SLC30A6: variants seen among roughly 807,000 people sequenced by gnomAD.
SLC30A6 encodes solute carrier family 30 member 6.
Under a neutral mutation model 63.0 loss-of-function variants are expected in SLC30A6, and 55 were observed. The observed-to-expected ratio is 0.87, with a 90% CI of 0.70 to 1.09. The LOEUF is 1.09. Among genes scored for constraint, SLC30A6 ranks in the 50% least tolerant of loss-of-function variants. The pLI is 0.00. For synonymous variants in SLC30A6, 224 were observed against 186.1 expected (o/e 1.20, Z -1.66); for missense variants, 587 against 549.2 (o/e 1.07, Z -0.69).
At chr2:32,169,489 T>C (rs533702205) in intron 1 of SLC30A6, among the ~76,000 whole-genome samples, 103 of 152,226 alleles carry the variant, frequency 6.8e-4, no homozygotes, top group African/African-American at 1.9e-3. Context: ...GAAAAAGATA[T>C]ATTTATTGGC....
chr2:32,210,933 G>T (rs965337637), intron 13 of SLC30A6, among the ~76,000 whole-genome samples: 1 of 152,150 alleles, frequency 6.6e-6, no homozygotes, highest in East Asian at 1.9e-4. Context: ...ACCAAAGAAT[G>T]ACTTGGACAG....
rs576515253 is a variant in SLC30A6 at position 32,177,916 on chromosome 2, A to G, written c.218+2555A>G. ...AGTGCTAAGATTATGGGCGTGAGCC[A>G]CTGTGCCCTTTGATCCATTTTGAGT... On this transcript the variant is annotated intron_variant, in intron 4 of 13. Transcript: ENST00000282587. Among the ~76,000 whole-genome samples, 7 of 149,510 alleles carry G rather than the reference A, an allele frequency of 4.7e-5. No individual in the cohort carries two copies. In the East Asian group the frequency reaches 9.8e-4, roughly 21 times the overall value.
chr2:32,215,001 C>T (rs1365864044), intron 13 of SLC30A6, among the ~76,000 whole-genome samples: 2 of 152,170 alleles, frequency 1.3e-5, no homozygotes, highest in African/African-American at 4.8e-5. Context: ...TTTTCTCTGT[C>T]TCATGATTGA....
chr2:32,192,919 G>T lies in SLC30A6; in HGVS notation c.367G>T (p.Ala123Ser). 6.6e-7 allele frequency: 1 copy of T among 1,523,908 alleles called. No homozygotes were observed. Among genetic ancestry groups the T allele is most frequent in the Non-Finnish European group, 8.9e-7 (1 of 1,123,440 alleles). 94.4% of individuals were successfully genotyped at this position (1,523,908 alleles called of 1,614,324 possible). Residue 123 changes from alanine (A) to serine (S), a missense_variant and splice_region_variant, in exon 7 of 14, where the codon GCA (alanine) becomes TCA (serine). Physicochemically the swap from Ala to Ser is moderately conservative, Grantham distance 99 (BLOSUM62 1). Transcript: ENST00000282587. ...LGALFILKES[A>S]ERFLEQPEIH... Reference sequence around the variant, plus strand: ...TTAATATATTTTTATTTCTTATAGTGCAGAACGCTTTTTGGAACAGCCCGA... The same window carrying T: ...TTAATATATTTTTATTTCTTATAGTTCAGAACGCTTTTTGGAACAGCCCGA...
chr2:32,170,806 C>A (rs1162198890), intron 1 of SLC30A6, among the ~76,000 whole-genome samples: 1 of 152,164 alleles, frequency 6.6e-6, no homozygotes, highest in East Asian at 1.9e-4. Flanking sequence ...GCCATGTTGG[C>A]CAGGCTGGTC....
Position 32,220,424 on chromosome 2 carries a change from G to A in SLC30A6, c.1097G>A (p.Gly366Asp). ...HHVIPMPLLK[G>D]TDDLNPVTST... ...GTAATCCCAATGCCTCTTTTAAAGG[G>A]TACTGATGATTTGAACCCAGTTACA... is the stretch of plus-strand genomic sequence containing the variant. The change falls in exon 14 of 14, where the codon GGT becomes GAT. Residue 366 changes from glycine (G) to aspartate (D), a missense_variant. By Grantham distance (94) the Gly-to-Asp change is moderately conservative. Transcript: ENST00000282587. 3 of 1,614,174 alleles carry A rather than the reference G, an allele frequency of 1.9e-6. No homozygotes were observed. Among genetic ancestry groups the A allele is most frequent in the Non-Finnish European group, 2.5e-6 (3 of 1,180,026 alleles).
At chr2:32,197,234 T>C in intron 8 of SLC30A6, 110 bp from the exon 9 acceptor site, 1 of 890,684 alleles carries the variant, frequency 1.1e-6, no homozygotes, top group Non-Finnish European at 1.7e-6. Context: ...TCTTTTGTAA[T>C]GTTATTCAGT....
chr2:32,182,724 A>G (rs1255964707), intron 4 of SLC30A6, among the ~76,000 whole-genome samples: 2 of 152,150 alleles, frequency 1.3e-5, no homozygotes, highest in Admixed American at 1.3e-4. Context: ...TCAAATGTGC[A>G]TTTCCATCAT....
chr2:32,187,424 G>A (rs1682932253), intron 5 of SLC30A6: 2 of 354,690 alleles, frequency 5.6e-6, no homozygotes, highest in Admixed American at 7.2e-5. Context: ...TTATAGATCA[G>A]TTACTGTGGA....
intron 1 of SLC30A6, among the ~76,000 whole-genome samples, chr2:32,168,980 C>G (rs1188613883): frequency 6.6e-6 from 1 of 152,000 alleles, no homozygotes. Context: ...CTCTTAGAAA[C>G]CTTGTTGATT....
At chr2:32,190,735 G>A (rs1273256095) in intron 5 of SLC30A6, among the ~76,000 whole-genome samples, 1 of 151,938 alleles carries the variant, frequency 6.6e-6, no homozygotes, top group African/African-American at 2.4e-5. Context: ...AGCAATTCTC[G>A]TGCCTCAGCC....
Position 32,213,806 on chromosome 2 carries a change from T to G in SLC30A6, c.885+4245T>G, listed in dbSNP as rs192216630. 8.4e-3 allele frequency among the ~76,000 whole-genome samples: 1,058 copies of G among 126,558 alleles called. 41 individuals carry two copies. Among genetic ancestry groups the G allele is most frequent in the East Asian group, 0.031 (147 of 4,722 alleles). The allele number at this position is 126,558 out of a possible 152,430, so 83.0% of individuals were successfully genotyped here. A position where few individuals can be genotyped will look rare whatever the true frequency, so the allele number is the denominator to read the frequency against. On this transcript the variant is annotated intron_variant, in intron 13 of 13. Coordinates refer to ENST00000282587, the MANE Select transcript of SLC30A6 (RefSeq NM_017964.5). ...CAGGTCTAGGATAAACTTTTTTTTT[T>G]TTTTGTTTTTGTTTTGAGACGGAGT...
intron 10 of SLC30A6, among the ~76,000 whole-genome samples, chr2:32,200,130 C>T (rs1558407918): frequency 6.6e-6 from 1 of 151,562 alleles, no homozygotes; most frequent in African/African-American, 2.4e-5. Context: ...TATATATAAA[C>T]ATATATATAT....
chr2:32,220,202 G>T lies in SLC30A6; in HGVS notation c.886-11G>T. 2 of 1,597,130 alleles carry T rather than the reference G, an allele frequency of 1.3e-6. No homozygotes were observed. Among genetic ancestry groups the T allele is most frequent in the Non-Finnish European group, 1.7e-6 (2 of 1,168,538 alleles). On this transcript the variant is annotated splice_polypyrimidine_tract_variant and intron_variant, in intron 13 of 13. Transcript: ENST00000282587. ...TAAGCAATCTCTTTGTTATGATTTT[G>T]CCCCTTTTAGGCTGGATCAGTGCAT...
Position 32,220,301 on chromosome 2 carries a change from C to T in SLC30A6, c.974C>T (p.Ser325Phe), listed in dbSNP as rs1298945605. 3 of 1,614,188 alleles carry T rather than the reference C, an allele frequency of 1.9e-6. No homozygotes were observed. The highest frequency in any genetic ancestry group is 2.5e-6 in the Non-Finnish European group (3 of 1,180,036). Reference protein sequence around the residue: ...HVTNRLYTLVSTLTVQIFKDD... With the variant: ...HVTNRLYTLVFTLTVQIFKDD... ...ACCAACAGGCTGTACACTCTAGTGT[C>T]TACTCTAACTGTTCAAATTTTCAAG... The change falls in exon 14 of 14, where the codon TCT becomes TTT. Residue 325 changes from serine to phenylalanine, a missense_variant. Transcript: ENST00000282587.
intron 13 of SLC30A6, chr2:32,214,609 C>T (rs543293299): frequency 6.6e-6 from 1 of 152,186 alleles, no homozygotes; most frequent in South Asian, 2.1e-4. Context: ...GGCTTATAAA[C>T]ACAAAGAATA....
chr2:32,189,717 T>C (rs1683162009), intron 5 of SLC30A6, among the ~76,000 whole-genome samples: 1 of 146,876 alleles, frequency 6.8e-6, no homozygotes, highest in Admixed American at 6.9e-5. Flanking sequence ...CAAGTGGCTC[T>C]CCTGCCTCAG....
At chr2:32,182,879 G>A (rs1200772121) in intron 4 of SLC30A6, among the ~76,000 whole-genome samples, 1 of 152,068 alleles carries the variant, frequency 6.6e-6, no homozygotes, top group Non-Finnish European at 1.5e-5. Flanking sequence ...CCAGGGAGTA[G>A]GGTCATGTTA....
chr2:32,206,809 G>T (rs1384963608), intron 11 of SLC30A6, 77 bp from the exon 12 acceptor site: 18 of 1,104,590 alleles, frequency 1.6e-5, no homozygotes, highest in Non-Finnish European at 2.2e-5. Flanking sequence ...AATCCTTTTG[G>T]GGAGGGGGTT....
Sources: gnomAD v4.1 joint callset for allele counts (sites outside exome capture counted in the v4.1 genomes callset) on GRCh38, gnomAD v4.1.1 for gene constraint, MANE v1.5 for transcripts, NCBI Gene and HGNC (gene_info 2026-07-23, HGNC 2026-07-21) for gene names.